CCDC171: variants seen among roughly 807,000 people sequenced by gnomAD.
CCDC171 encodes the protein coiled-coil domain-containing protein 171.
In CCDC171, 177 loss-of-function variants were observed where a neutral mutation model predicts 168.2. The ratio of observed to expected loss-of-function variants is 1.05; its 90% CI spans 0.93 to 1.19. The LOEUF (loss-of-function observed/expected upper bound fraction) is 1.19. CCDC171 is among the 50% of genes most tolerant of loss of function. The pLI is 0.00. For missense variants in CCDC171, 1,991 were observed against 1,539.0 expected (o/e 1.29, Z -4.91); for synonymous variants, 687 against 540.8 (o/e 1.27, Z -3.75).
At chr9:16,069,833 C>T in the CCDC171 span, among the ~76,000 whole-genome samples, 23 of 152,174 alleles carry the variant, frequency 1.5e-4, no homozygotes, top group African/African-American at 4.8e-4. Context: ...TGCTTCAAAA[C>T]ATCACACACA....
At chr9:15,945,957 T>C (rs7864444) in intron 25 of CCDC171, among the ~76,000 whole-genome samples, 428 of 151,364 alleles carry the variant, frequency 2.8e-3, no homozygotes, top group African/African-American at 9.4e-3. Context: ...TCCTTGCCCA[T>C]GCCTATGTCC....
intron 16 of CCDC171, among the ~76,000 whole-genome samples, chr9:15,739,066 A>G (rs1005138461): frequency 2.0e-5 from 3 of 152,228 alleles, no homozygotes; most frequent in African/African-American, 7.2e-5. Context: ...GAGAGTAGAT[A>G]TACACACATG....
At chr9:16,104,183 C>CT in the CCDC171 span, among the ~76,000 whole-genome samples, 2 of 152,112 alleles carry the variant, frequency 1.3e-5, no homozygotes, top group Non-Finnish European at 2.9e-5. Context: ...CCACTTTCAA[C>CT]TTTCACCTCC....
intron 1 of CCDC171, among the ~76,000 whole-genome samples, chr9:16,043,215 G>T (rs540985172): frequency 6.6e-6 from 1 of 152,242 alleles, no homozygotes; most frequent in South Asian, 2.1e-4. Flanking sequence ...AATGTTTATT[G>T]TAAAATCCAT....
Position 15,942,046 on chromosome 9 carries a change from CT to C in CCDC171, c.3753+21625del, listed in dbSNP as rs1465246153. Among the ~76,000 whole-genome samples the C allele has an allele frequency of 2.3e-4, 35 of 151,902 alleles. No individual in the cohort carries two copies. In the Middle Eastern group the frequency reaches 0.014, roughly 59 times the overall value. On this transcript the variant is annotated intron_variant, in intron 25 of 25. Coordinates refer to ENST00000380701, the MANE Select transcript of CCDC171 (RefSeq NM_173550.4). ...TGGAATAGTATTTTCAGCCTTTCAC[CT>C]ACTTGATTTTTTCCCAAGTTTTAAA...
intron 25 of CCDC171, among the ~76,000 whole-genome samples, chr9:15,956,825 C>T (rs1028523333): frequency 6.6e-6 from 1 of 152,052 alleles, no homozygotes; most frequent in African/African-American, 2.4e-5. Flanking sequence ...TTTGAATGTG[C>T]GTCGACCTTT....
the CCDC171 span, among the ~76,000 whole-genome samples, chr9:16,098,501 T>C: frequency 6.6e-6 from 1 of 152,194 alleles, no homozygotes; most frequent in East Asian, 1.9e-4. Context: ...CACTCTTGAG[T>C]GTTGGAGTAA....
intron 4 of CCDC171, among the ~76,000 whole-genome samples, chr9:15,581,449 C>T (rs2041109262): frequency 6.6e-6 from 1 of 152,042 alleles, no homozygotes; most frequent in Non-Finnish European, 1.5e-5. Flanking sequence ...TCATATGGAA[C>T]CAAAAAAGAG....
intron 25 of CCDC171, among the ~76,000 whole-genome samples, chr9:15,931,926 T>C (rs990885356): frequency 1.3e-5 from 2 of 151,872 alleles, no homozygotes; most frequent in African/African-American, 4.8e-5. Flanking sequence ...TATGACTTTA[T>C]TTCTGGGTTC....
intron 25 of CCDC171, among the ~76,000 whole-genome samples, chr9:15,932,308 A>G (rs1229192669): frequency 6.6e-6 from 1 of 151,764 alleles, no homozygotes; most frequent in Non-Finnish European, 1.5e-5. Context: ...TATAGTGTTC[A>G]GTATAGAGAT....
intron 7 of CCDC171, among the ~76,000 whole-genome samples, chr9:15,648,749 G>C (rs2047252739): frequency 1.3e-5 from 2 of 152,076 alleles, no homozygotes; most frequent in South Asian, 4.1e-4. Flanking sequence ...AATAAAAGAG[G>C]ATACAAACAA....
intron 25 of CCDC171, among the ~76,000 whole-genome samples, chr9:15,927,493 C>T (rs150344562): frequency 2.0e-5 from 3 of 151,748 alleles, no homozygotes; most frequent in South Asian, 2.1e-4. Context: ...CTGCAAACTA[C>T]GGTACTGATT....
rs560796326 is a variant in CCDC171 at position 15,926,609 on chromosome 9, A to G, written c.3753+6187A>G. On this transcript the variant is annotated intron_variant, in intron 25 of 25. Coordinates refer to ENST00000380701, the MANE Select transcript of CCDC171 (RefSeq NM_173550.4). ...TAGAATCAGGCAGGCCTGGATGTAC[A>G]TTCTGACACTGTTACTCATTAGCCA... Among the ~76,000 whole-genome samples, 6 of 151,742 alleles carry G rather than the reference A, an allele frequency of 4.0e-5. No homozygotes were observed. The South Asian group carries it at 1.2e-3, about 31-fold the overall frequency.
chr9:16,095,233 C>T, the CCDC171 span, among the ~76,000 whole-genome samples: 1 of 152,176 alleles, frequency 6.6e-6, no homozygotes, highest in Non-Finnish European at 1.5e-5. Context: ...GCAGTTGTGC[C>T]TCTTACTGAC....
At chr9:15,713,092 A>G (rs2382534) in intron 11 of CCDC171, among the ~76,000 whole-genome samples, 74,456 of 152,010 alleles carry the variant, frequency 0.49, 18,672 homozygotes, top group East Asian at 0.78. Context: ...TCAGCCAAAC[A>G]GTTAGACACC....
intron 25 of CCDC171, among the ~76,000 whole-genome samples, chr9:15,939,001 A>G (rs538142994): frequency 2.0e-5 from 3 of 151,496 alleles, no homozygotes; most frequent in Non-Finnish European, 4.4e-5. Flanking sequence ...ATTTTTCACG[A>G]TCTTTTATTA....
intron 24 of CCDC171, among the ~76,000 whole-genome samples, chr9:15,906,379 C>G (rs1423910851): frequency 6.6e-6 from 1 of 152,168 alleles, no homozygotes. Context: ...ATACGAAAAT[C>G]AATAAACGTA....
In CCDC171 at chr9:15,843,339, T is replaced by C. The variant is rs540603517; in HGVS notation, c.3268-3363T>C. ...ATTGTGACATTGGTTCTTGTGTAGG[T>C]AGAATATTTTTTTCTGCTCTTTAAA... On this transcript the variant is annotated intron_variant, in intron 21 of 25. Transcript: ENST00000380701. Among the ~76,000 whole-genome samples the C allele has an allele frequency of 7.6e-4, 116 of 152,198 alleles. No homozygotes were observed. In the Middle Eastern group the frequency reaches 0.014, roughly 18 times the overall value.
intron 24 of CCDC171, among the ~76,000 whole-genome samples, chr9:15,919,467 A>G (rs1235159122): frequency 6.6e-6 from 1 of 151,652 alleles, no homozygotes; most frequent in Admixed American, 6.6e-5. Flanking sequence ...TTTCTTGTAA[A>G]CAATATAGTA....
Sources: gnomAD v4.1 joint callset for allele counts (sites outside exome capture counted in the v4.1 genomes callset) on GRCh38, gnomAD v4.1.1 for gene constraint, MANE v1.5 for transcripts, NCBI Gene and HGNC (gene_info 2026-07-23, HGNC 2026-07-21) for gene names.